Variants in WDTC1 observed in about 807,000 individuals in gnomAD.
WDTC1 encodes WD and tetratricopeptide repeats 1, also known as WD and tetratricopeptide repeats protein 1.
Under a neutral mutation model 76.0 loss-of-function variants are expected in WDTC1, and 12 were observed. The observed-to-expected ratio is 0.16, with a 90% CI of 0.10 to 0.26. The LOEUF (loss-of-function observed/expected upper bound fraction) is 0.26, where lower values mean the gene tolerates loss of function less well. Ranked by LOEUF, WDTC1 falls within the 10% of genes least tolerant of loss-of-function variation. The pLI is 1.00. For synonymous variants in WDTC1, 326 were observed against 350.8 expected (o/e 0.93, Z 0.79); for missense variants, 511 against 908.8 (o/e 0.56, Z 5.63).
intron 1 of WDTC1, chr1:27,255,493 G>C (rs1291081218): frequency 6.6e-6 from 1 of 152,172 alleles, no homozygotes; most frequent in African/African-American, 2.4e-5. Context: ...GACAAGAGGG[G>C]AAACAGTAGA....
chr1:27,266,595 T>C (rs1335432815), intron 3 of WDTC1, among the ~76,000 whole-genome samples: 1 of 152,236 alleles, frequency 6.6e-6, no homozygotes, highest in Non-Finnish European at 1.5e-5. Flanking sequence ...TTGTTATTTA[T>C]GGAAAGCTCT....
chr1:27,262,054 C>G (rs1434909989), intron 2 of WDTC1, among the ~76,000 whole-genome samples: 1 of 151,688 alleles, frequency 6.6e-6, no homozygotes, highest in Non-Finnish European at 1.5e-5. Context: ...CTCAGCCTCG[C>G]AAGTAGCTGG....
intron 1 of WDTC1, among the ~76,000 whole-genome samples, chr1:27,245,549 G>GT (rs900442264): frequency 8.7e-5 from 13 of 150,108 alleles, no homozygotes; most frequent in Admixed American, 3.3e-4. Context: ...AAAAGAAAGG[G>GT]TTTTTTTTGG....
intron 6 of WDTC1, among the ~76,000 whole-genome samples, chr1:27,291,045 G>A (rs2013521987): frequency 6.6e-6 from 1 of 152,204 alleles, no homozygotes; most frequent in South Asian, 2.1e-4. Context: ...AGCGTCTAGC[G>A]CATTGGGTAG....
chr1:27,253,547 G>C (rs1230949873), intron 1 of WDTC1, among the ~76,000 whole-genome samples: 2 of 137,050 alleles, frequency 1.5e-5, no homozygotes, highest in African/African-American at 2.7e-5. Context: ...AGGTCTTGCT[G>C]TGTTGTTCAG....
chr1:27,307,634 G>T lies in WDTC1; in HGVS notation c.*1251G>T, dbSNP rs905993503. 2 of 152,780 alleles carry T rather than the reference G, an allele frequency of 1.3e-5. No individual in the cohort carries two copies. The highest frequency in any genetic ancestry group is 4.8e-5 in the African/African-American group (2 of 41,394). 9.5% of individuals were successfully genotyped at this position (152,780 alleles called of 1,614,324 possible). On this transcript the variant is annotated 3_prime_UTR_variant, in exon 16 of 16. Coordinates refer to ENST00000319394, the MANE Select transcript of WDTC1 (RefSeq NM_001276252.2). The surrounding 1 kb of genome is among the most constrained non-coding windows in gnomAD (Gnocchi z 4.1). ...TCCCTCGCTCCCTCCCTCAGCCCCTGTCTCTGCCAGGTGCCTCCTCTCAGT... is the reference window on the plus strand; with the variant it reads ...TCCCTCGCTCCCTCCCTCAGCCCCTTTCTCTGCCAGGTGCCTCCTCTCAGT...
chr1:27,297,374 T>C (rs2013721517), intron 11 of WDTC1, among the ~76,000 whole-genome samples: 1 of 152,212 alleles, frequency 6.6e-6, no homozygotes, highest in South Asian at 2.1e-4. Flanking sequence ...AGCTCTAGCC[T>C]GTTGGTACCA....
Position 27,263,199 on chromosome 1 carries a change from C to G in WDTC1, c.96C>G (p.Pro32=). ...SFERRYHVTD[P]FIRRLGLEAE... ...AGCGGCGCTACCATGTCACTGACCC[C>G]TTTATCCGGCGGCTGGGCCTGGAAG... Residue 32 remains proline, a synonymous_variant, in exon 3 of 16, where the codon CCC becomes CCG. Coordinates refer to ENST00000319394, the MANE Select transcript of WDTC1 (RefSeq NM_001276252.2). 1 of 1,613,636 alleles carries G rather than the reference C, an allele frequency of 6.2e-7. No homozygotes were observed. The highest frequency in any genetic ancestry group is 1.7e-4 in the Middle Eastern group (1 of 5,908).
At position 27,234,858 on chromosome 1, in the gene WDTC1, C is replaced by G; in HGVS notation, c.-193C>G. 2.5e-6 allele frequency: 1 copy of G among 396,664 alleles called. No individual in the cohort carries two copies. The allele number at this position is 396,664 out of a possible 1,614,324, so 24.6% of individuals were successfully genotyped here. A position where few individuals can be genotyped will look rare whatever the true frequency, so the allele number is the denominator to read the frequency against. The stretch of plus-strand genomic sequence containing the variant: ...GCCCCCCAGCCCCCTCCCCGGGATC[C>G]GCGCCCCCCTTCCCGGGAGAGGGGC... On this transcript the variant is annotated 5_prime_UTR_variant, in exon 1 of 16. Transcript: ENST00000319394.
intron 4 of WDTC1, 103 bp from the exon 5 acceptor site, chr1:27,283,235 C>G (rs1341633308): frequency 2.0e-6 from 2 of 988,892 alleles, no homozygotes; most frequent in African/African-American, 3.2e-5. Context: ...ATTTACTGTT[C>G]TTCAAATTCT....
At chr1:27,238,938 G>T (rs2011551465) in intron 1 of WDTC1, among the ~76,000 whole-genome samples, 3 of 148,920 alleles carry the variant, frequency 2.0e-5, no homozygotes, top group Admixed American at 2.0e-4. Flanking sequence ...GAACTCCTGA[G>T]TTCCACCTGC....
intron 9 of WDTC1, among the ~76,000 whole-genome samples, chr1:27,295,430 A>T (rs374514270): frequency 6.6e-6 from 1 of 151,406 alleles, no homozygotes. Flanking sequence ...GGACTTCTTC[A>T]TCTTTTTAAA....
At chr1:27,252,783 C>T (rs2012122007) in intron 1 of WDTC1, among the ~76,000 whole-genome samples, 1 of 151,472 alleles carries the variant, frequency 6.6e-6, no homozygotes, top group African/African-American at 2.4e-5. Flanking sequence ...GGGTGACAGA[C>T]CGAGACTCCG....
At chr1:27,255,890 C>T (rs2012263224) in intron 1 of WDTC1, among the ~76,000 whole-genome samples, 1 of 152,076 alleles carries the variant, frequency 6.6e-6, no homozygotes, top group South Asian at 2.1e-4. Flanking sequence ...AACCACTCTT[C>T]TTCTGGGGTC....
chr1:27,235,490 G>T (rs775805904), intron 1 of WDTC1, among the ~76,000 whole-genome samples: 1 of 151,196 alleles, frequency 6.6e-6, no homozygotes. Flanking sequence ...CTCTGCCAAG[G>T]TGTTTCCACC....
chr1:27,275,145 A>G (rs1448368726), intron 3 of WDTC1, among the ~76,000 whole-genome samples: 1 of 152,170 alleles, frequency 6.6e-6, no homozygotes, highest in Admixed American at 6.5e-5. Context: ...AACATTATGT[A>G]TCTATCTCAC....
At chr1:27,243,373 C>T (rs573854828) in intron 1 of WDTC1, among the ~76,000 whole-genome samples, 33 of 151,832 alleles carry the variant, frequency 2.2e-4, no homozygotes, top group African/African-American at 4.1e-4. Flanking sequence ...CCACCATGTC[C>T]GGCTAATTTT....
At chr1:27,234,554 G>A (rs1307056468), upstream of WDTC1, 6 of 385,852 alleles carry the variant, frequency 1.6e-5, no homozygotes, top group East Asian at 2.2e-4. Flanking sequence ...GAAGCGGCCG[G>A]GCGCAGTCTT....
chr1:27,234,611 G>A, upstream of WDTC1: 1 of 393,612 alleles, frequency 2.5e-6, no homozygotes, highest in Admixed American at 4.4e-5. Context: ...GGCGGAGACT[G>A]CGTGGCGCAG....
Sources: allele counts gnomAD v4.1 joint callset (sites outside exome capture counted in the v4.1 genomes callset), GRCh38; gene constraint gnomAD v4.1.1; non-coding constraint Gnocchi (gnomAD v3.1); transcripts MANE v1.5; gene names NCBI Gene and HGNC (gene_info 2026-07-23, HGNC 2026-07-21).